Variants in FSIP2 observed in about 807,000 individuals in gnomAD.
FSIP2 encodes fibrous sheath-interacting protein 2.
FSIP2 carries 367 observed loss-of-function variants against 510.5 expected under a neutral mutation model. The observed-to-expected ratio is 0.72, with a 90% CI of 0.66 to 0.78. The LOEUF (loss-of-function observed/expected upper bound fraction) is 0.78, where lower values mean the gene tolerates loss of function less well. Ranked by LOEUF, FSIP2 falls within the 30% of genes least tolerant of loss-of-function variation. FSIP2 has a pLI of 0.00. For synonymous variants in FSIP2, 2,601 were observed against 2,732.2 expected (o/e 0.95, Z 1.50); for missense variants, 7,594 against 7,901.7 (o/e 0.96, Z 1.48).
In FSIP2 at chr2:185,795,020, G is replaced by T; in HGVS notation, c.7884G>T (p.Val2628=). 6.5e-7 allele frequency: 1 copy of T among 1,533,730 alleles called. No homozygotes were observed. Among genetic ancestry groups the T allele is most frequent in the Non-Finnish European group, 8.7e-7 (1 of 1,145,776 alleles). ...NTLLPYLPLQ[V]KKDLIQMVLN... ...TTTTGCCATATTTACCATTGCAAGT[G>T]AAGAAAGACTTAATTCAAATGGTTC... Residue 2628 remains valine, a synonymous_variant, in exon 16 of 23, where the codon GTG becomes GTT. Coordinates refer to ENST00000424728, the MANE Select transcript of FSIP2 (RefSeq NM_173651.4).
chr2:185,776,561 CTAT>C (rs1240031533), intron 13 of FSIP2, among the ~76,000 whole-genome samples: 6 of 151,724 alleles, frequency 4.0e-5, no homozygotes, highest in African/African-American at 9.7e-5. Context: ...GATAACATTC[CTAT>C]TATTCATTTT....
chr2:185,824,758 G>C (rs1693985151), intron 20 of FSIP2, among the ~76,000 whole-genome samples: 1 of 151,696 alleles, frequency 6.6e-6, no homozygotes, highest in Admixed American at 6.6e-5. Context: ...CTACAAAATA[G>C]AGTGTATTGT....
intron 7 of FSIP2, 121 bp from the exon 8 acceptor site, chr2:185,753,601 A>G: frequency 2.0e-6 from 1 of 500,626 alleles, no homozygotes; most frequent in Non-Finnish European, 3.4e-6. Flanking sequence ...TTTTTGTACC[A>G]TTACAAATCA....
Position 185,796,337 on chromosome 2 carries a change from C to G in FSIP2, c.9201C>G (p.Ile3067Met). The change falls in exon 16 of 23, where the codon ATC becomes ATG. Residue 3067 changes from isoleucine (I) to methionine (M), a missense_variant. Transcript: ENST00000424728. ...ATTTCAAGGAAAACATACAGAATAT[C>G]CTTCTACGGGTTCATTCATTCCATT... ...TINFKENIQN[I>M]LLRVHSFHSQ... 3 of 1,533,652 alleles carry G rather than the reference C, an allele frequency of 2.0e-6. No homozygotes were observed. In the East Asian group the frequency reaches 7.3e-5, roughly 38 times the overall value.
At chr2:185,784,977 C>T (rs916380213) in intron 14 of FSIP2, among the ~76,000 whole-genome samples, 14 of 152,162 alleles carry the variant, frequency 9.2e-5, no homozygotes, top group South Asian at 6.2e-4. Context: ...TTTTCAGTTT[C>T]CTGACTAATT....
chr2:185,782,668 G>C (rs976385034), intron 13 of FSIP2, 37 bp from the exon 14 acceptor site: 1 of 1,262,898 alleles, frequency 7.9e-7, no homozygotes, highest in African/African-American at 1.5e-5. Flanking sequence ...GCTGAGGATG[G>C]ATACAAACTA....
At chr2:185,747,512 C>G in intron 7 of FSIP2, 89 bp downstream of exon 7, 1 of 662,704 alleles carries the variant, frequency 1.5e-6, no homozygotes, top group Middle Eastern at 2.5e-4. Flanking sequence ...TGTGAGATGA[C>G]TGTTGCCCAG....
intron 3 of FSIP2, among the ~76,000 whole-genome samples, chr2:185,744,038 C>T (rs1045724770): frequency 6.6e-6 from 1 of 151,800 alleles, no homozygotes; most frequent in Non-Finnish European, 1.5e-5. Flanking sequence ...CTATGTTGCC[C>T]AGGCTCATCT....
chr2:185,791,809 A>T lies in FSIP2; in HGVS notation c.4673A>T (p.Lys1558Ile). Residue 1558 changes from lysine (K) to isoleucine (I), a missense_variant, in exon 16 of 23, where the codon AAA (lysine) becomes ATA (isoleucine). Coordinates refer to ENST00000424728, the MANE Select transcript of FSIP2 (RefSeq NM_173651.4). Reference sequence around the variant, plus strand: ...AAAGAAGAGACTAAAAGCAAGGCAAAACCTGTTGCTCCTGTGTCTTCCAAA... The same window carrying T: ...AAAGAAGAGACTAAAAGCAAGGCAATACCTGTTGCTCCTGTGTCTTCCAAA... ...DNKEETKSKA[K>I]PVAPVSSKTP... 6.5e-7 allele frequency: 1 copy of T among 1,534,202 alleles called. No homozygotes were observed. The highest frequency in any genetic ancestry group is 1.2e-5 in the South Asian group (1 of 83,936).
chr2:185,785,532 T>C lies in FSIP2; in HGVS notation c.1470-720T>C, dbSNP rs552013348. Among the ~76,000 whole-genome samples the C allele has an allele frequency of 3.9e-5, 6 of 151,982 alleles. No homozygotes were observed. In the South Asian group the frequency reaches 1.2e-3, roughly 31 times the overall value. The stretch of plus-strand genomic sequence containing the variant: ...AAGCAGCAGTACAAATCAGCAAAAA[T>C]ATACAAAAATAAATCAGACTTCAGT... On this transcript the variant is annotated intron_variant, in intron 14 of 22. Transcript: ENST00000424728.
chr2:185,738,335 T>C, upstream of FSIP2: 1 of 421,118 alleles, frequency 2.4e-6, no homozygotes, highest in Non-Finnish European at 4.3e-6. Flanking sequence ...TAAAGGGCGC[T>C]AGAAAGGAGA....
intron 19 of FSIP2, among the ~76,000 whole-genome samples, chr2:185,816,423 A>G (rs1052152025): frequency 1.3e-5 from 2 of 152,036 alleles, no homozygotes; most frequent in Admixed American, 6.6e-5. Flanking sequence ...GCAAGATAAT[A>G]CCAGGAAGCT....
chr2:185,797,176 C>T lies in FSIP2; in HGVS notation c.10040C>T (p.Pro3347Leu). Residue 3347 changes from proline to leucine, a missense_variant, in exon 16 of 23, where the codon CCA (proline) becomes CTA (leucine). Coordinates refer to ENST00000424728, the MANE Select transcript of FSIP2 (RefSeq NM_173651.4). Reference protein sequence around the residue: ...VLSSCGFPSQPHTNENREIMK... With the variant: ...VLSSCGFPSQLHTNENREIMK... ...TCCAGCTGTGGCTTTCCAAGTCAAC[C>T]ACACACTAATGAGAACAGGGAAATA... is the stretch of plus-strand genomic sequence containing the variant. 6.5e-7 allele frequency: 1 copy of T among 1,534,834 alleles called. No individual in the cohort carries two copies. The highest frequency in any genetic ancestry group is 8.7e-7 in the Non-Finnish European group (1 of 1,146,198).
intron 7 of FSIP2, among the ~76,000 whole-genome samples, chr2:185,750,958 T>C (rs1054199175): frequency 6.6e-6 from 1 of 151,524 alleles, no homozygotes; most frequent in African/African-American, 2.4e-5. Context: ...GACTTTTATT[T>C]CCCAAATCTT....
At chr2:185,781,673 C>CCTAT (rs1211121770) in intron 13 of FSIP2, among the ~76,000 whole-genome samples, 11 of 152,186 alleles carry the variant, frequency 7.2e-5, no homozygotes, top group Non-Finnish European at 1.0e-4. Flanking sequence ...AGAAAGTTCT[C>CCTAT]CTATCTCTTT....
At chr2:185,767,647 T>A (rs77954167) in intron 13 of FSIP2, among the ~76,000 whole-genome samples, 3,120 of 152,272 alleles carry the variant, frequency 0.02, 45 homozygotes, top group Non-Finnish European at 0.029. Flanking sequence ...AATAGTATTG[T>A]ATTATATCTG....
At chr2:185,758,661 T>C (rs7592227) in intron 9 of FSIP2, among the ~76,000 whole-genome samples, 71,807 of 150,854 alleles carry the variant, frequency 0.48, 17,636 homozygotes, top group African/African-American at 0.52. Flanking sequence ...ATTTTTGGCT[T>C]AACCCTAGTG....
chr2:185,803,772 A>G lies in FSIP2; in HGVS notation c.14466A>G (p.Leu4822=). The G allele has an allele frequency of 6.5e-7, 1 of 1,528,888 alleles. No individual in the cohort carries two copies. The highest frequency in any genetic ancestry group is 8.8e-7 in the Non-Finnish European group (1 of 1,142,486). The allele number at this position is 1,528,888 out of a possible 1,614,324, so 94.7% of individuals were successfully genotyped here. Residue 4822 remains leucine (L), a synonymous_variant, in exon 17 of 23, where the codon TTA becomes TTG. Transcript: ENST00000424728. ...AEQSDTTKSD[L]SNTVIKLINE... is the part of the protein sequence containing the mutation. ...AGTCAGATACTACTAAATCAGACTTAAGTAATACAGTGATAAAACTGATAA... is the reference window on the plus strand; with the variant it reads ...AGTCAGATACTACTAAATCAGACTTGAGTAATACAGTGATAAAACTGATAA...
intron 7 of FSIP2, among the ~76,000 whole-genome samples, chr2:185,750,368 GTTTCA>G (rs1449906554): frequency 2.0e-5 from 3 of 151,470 alleles, no homozygotes; most frequent in Non-Finnish European, 4.4e-5. Context: ...TCTAGGAATT[GTTTCA>G]TTTCATCTGA....
Sources: allele counts gnomAD v4.1 joint callset (sites outside exome capture counted in the v4.1 genomes callset), GRCh38; gene constraint gnomAD v4.1.1; transcripts MANE v1.5; gene names NCBI Gene and HGNC (gene_info 2026-07-23, HGNC 2026-07-21).